The following CAST variants were observed in gnomAD, a reference collection of about 807,000 sequenced individuals.
CAST encodes the protein MIR583 host.
CAST carries 76 observed loss-of-function variants against 119.6 expected under a neutral mutation model. The ratio of observed to expected loss-of-function variants is 0.64; its 90% CI spans 0.53 to 0.77. The LOEUF is 0.77. Among genes scored for constraint, CAST ranks in the 30% least tolerant of loss-of-function variants. The probability of loss-of-function intolerance (pLI) is 0.00; values close to 1 mark genes in which losing one functional copy is unlikely to be tolerated. For missense variants in CAST, 953 were observed against 946.5 expected, an observed-to-expected ratio of 1.01 and a Z score of -0.09; for synonymous variants, 319 against 331.6, an observed-to-expected ratio of 0.96 and a Z score of 0.41.
intron 1 of CAST, among the ~76,000 whole-genome samples, chr5:96,631,889 A>G (rs1240033106): frequency 6.6e-6 from 1 of 152,034 alleles, no homozygotes; most frequent in African/African-American, 2.4e-5. Context: ...GTCATATGGT[A>G]ATTCTATGTT....
chr5:96,573,666 T>C (rs1372999339), intron 1 of CAST, among the ~76,000 whole-genome samples: 1 of 151,862 alleles, frequency 6.6e-6, no homozygotes, highest in Admixed American at 6.6e-5. Context: ...GCACAGATCA[T>C]AAATGCACAG....
chr5:96,310,859 CA>C, the CAST span, among the ~76,000 whole-genome samples: 822 of 132,616 alleles, frequency 6.2e-3, 6 homozygotes, highest in Non-Finnish European at 7.9e-3. Context: ...TATGTCTTCT[CA>C]AAAAAAAAAA....
intron 1 of CAST, among the ~76,000 whole-genome samples, chr5:96,624,334 G>A (rs1747679974): frequency 6.6e-6 from 1 of 152,196 alleles, no homozygotes; most frequent in Non-Finnish European, 1.5e-5. Flanking sequence ...AAGTTTAGAA[G>A]AGTCTGGGAA....
At chr5:96,361,676 G>T in the CAST span, among the ~76,000 whole-genome samples, 6 of 151,600 alleles carry the variant, frequency 4.0e-5, no homozygotes, top group African/African-American at 1.2e-4. Flanking sequence ...TGTCTAACCA[G>T]TCCTATTGAG....
chr5:96,552,633 G>A (rs1238269076), intron 1 of CAST, among the ~76,000 whole-genome samples: 5 of 152,132 alleles, frequency 3.3e-5, no homozygotes, highest in Non-Finnish European at 5.9e-5. Context: ...TACAGGAGCT[G>A]GTTTTTGAAA....
chr5:96,278,407 A>G, the CAST span, among the ~76,000 whole-genome samples: 1 of 152,168 alleles, frequency 6.6e-6, no homozygotes, highest in Non-Finnish European at 1.5e-5. Flanking sequence ...AACCATGCCT[A>G]GGTAATCTTC....
intron 2 of CAST, among the ~76,000 whole-genome samples, chr5:96,677,069 C>A (rs1750805795): frequency 6.6e-6 from 1 of 151,416 alleles, no homozygotes; most frequent in Non-Finnish European, 1.5e-5. Context: ...AAAAGAAAAT[C>A]CACCTAGTGT....
the CAST span, among the ~76,000 whole-genome samples, chr5:96,384,803 T>C: frequency 2.0e-5 from 3 of 152,176 alleles, no homozygotes; most frequent in African/African-American, 7.2e-5. Flanking sequence ...GGATTCTGTC[T>C]GGACAAATGC....
chr5:96,040,863 T>C, the CAST span, among the ~76,000 whole-genome samples: 2 of 152,182 alleles, frequency 1.3e-5, no homozygotes, highest in Non-Finnish European at 2.9e-5. Flanking sequence ...TAGGCTTTGG[T>C]ATCAGGATGT....
chr5:96,241,709 A>C, the CAST span, among the ~76,000 whole-genome samples: 1 of 142,280 alleles, frequency 7.0e-6, no homozygotes, highest in African/African-American at 2.5e-5. Flanking sequence ...ATTTCTCGAC[A>C]TCCTCTCCAG....
the CAST span, among the ~76,000 whole-genome samples, chr5:96,013,969 A>T: frequency 1.2e-4 from 18 of 152,212 alleles, no homozygotes; most frequent in African/African-American, 4.1e-4. Flanking sequence ...TATTTAAAAA[A>T]TTATTTCTTA....
At chr5:96,662,569 C>T in intron 1 of CAST, 72 bp downstream of exon 1, 1 of 1,309,826 alleles carries the variant, frequency 7.6e-7, no homozygotes, top group Non-Finnish European at 9.7e-7. Context: ...TGGCCGCCCT[C>T]CCTGGGCGTT....
At chr5:96,464,613 C>T in the CAST span, among the ~76,000 whole-genome samples, 1 of 152,072 alleles carries the variant, frequency 6.6e-6, no homozygotes. Flanking sequence ...TTAATACCCA[C>T]AAATCAATCT....
the CAST span, among the ~76,000 whole-genome samples, chr5:96,138,587 G>A: frequency 6.6e-6 from 1 of 151,902 alleles, no homozygotes; most frequent in African/African-American, 2.4e-5. Context: ...TTAACAATGT[G>A]TGTTTTAATT....
chr5:96,376,726 C>A, the CAST span, among the ~76,000 whole-genome samples: 6 of 152,192 alleles, frequency 3.9e-5, no homozygotes, highest in Non-Finnish European at 8.8e-5. Flanking sequence ...AGAAGTTTGC[C>A]ACCATACCCA....
the CAST span, among the ~76,000 whole-genome samples, chr5:96,245,577 T>A: frequency 6.6e-6 from 1 of 151,798 alleles, no homozygotes; most frequent in Non-Finnish European, 1.5e-5. Flanking sequence ...CAGAAGAAAT[T>A]TTCTGTGTGT....
At chr5:96,706,400 A>G (rs1581047169) in intron 3 of CAST, among the ~76,000 whole-genome samples, 1 of 152,240 alleles carries the variant, frequency 6.6e-6, no homozygotes, top group East Asian at 1.9e-4. Context: ...ATAAAGAGCA[A>G]TGTAAAAAGT....
chr5:96,767,599 C>G (rs1055873906), intron 28 of CAST, 117 bp downstream of exon 28: 12 of 732,824 alleles, frequency 1.6e-5, no homozygotes, highest in African/African-American at 3.5e-5. Flanking sequence ...GGTACTTTGT[C>G]AAAGCATGCA....
intron 31 of CAST, 175 bp from the exon 32 acceptor site, chr5:96,772,465 C>G (rs1283103047): frequency 6.6e-6 from 1 of 152,474 alleles, no homozygotes; most frequent in Non-Finnish European, 1.5e-5. Context: ...TAGAACTGCT[C>G]TAACATTTTT....
Sources: gnomAD v4.1 joint callset for allele counts (sites outside exome capture counted in the v4.1 genomes callset) on GRCh38, gnomAD v4.1.1 for gene constraint, MANE v1.5 for transcripts, NCBI Gene and HGNC (gene_info 2026-07-23, HGNC 2026-07-21) for gene names.